Variants in ERC2 observed in about 807,000 individuals in gnomAD.
The protein encoded by ERC2 is ERC protein 2.
A neutral mutation model predicts 114.8 loss-of-function variants in ERC2; 42 were observed. The ratio of observed to expected loss-of-function variants is 0.37; its 90% CI spans 0.29 to 0.47. The LOEUF (loss-of-function observed/expected upper bound fraction) is 0.47, where lower values mean the gene tolerates loss of function less well. ERC2 is among the 20% of genes least tolerant of loss of function. The pLI is 0.99. For missense variants in ERC2, 939 were observed against 1,150.7 expected, an observed-to-expected ratio of 0.82 and a Z score of 2.66; for synonymous variants, 454 against 425.5, an observed-to-expected ratio of 1.07 and a Z score of -0.82.
At chr3:55,835,729 T>G (rs1004529119) in intron 14 of ERC2, among the ~76,000 whole-genome samples, 4 of 152,038 alleles carry the variant, frequency 2.6e-5, no homozygotes, top group Non-Finnish European at 5.9e-5. Context: ...TCCTATTCAG[T>G]ATAGTGTTGG....
chr3:55,553,576 C>T (rs1367330513), intron 17 of ERC2, among the ~76,000 whole-genome samples: 2 of 151,876 alleles, frequency 1.3e-5, no homozygotes, highest in Non-Finnish European at 2.9e-5. Context: ...GTCAGGAGAT[C>T]GAGACCATCC....
At chr3:56,454,784 G>A (rs1193691867) in intron 1 of ERC2, among the ~76,000 whole-genome samples, 1 of 145,140 alleles carries the variant, frequency 6.9e-6, no homozygotes, top group Non-Finnish European at 1.5e-5. Context: ...CCGGGAGGCA[G>A]AGGTTGAGAG....
At chr3:56,024,330 C>T (rs1350922468) in intron 7 of ERC2, among the ~76,000 whole-genome samples, 4 of 152,142 alleles carry the variant, frequency 2.6e-5, no homozygotes, top group Admixed American at 2.6e-4. Context: ...AGCTCTGTCC[C>T]ACTCGTTCTC....
intron 3 of ERC2, among the ~76,000 whole-genome samples, chr3:56,218,875 A>G (rs1054498606): frequency 2.6e-5 from 4 of 152,166 alleles, no homozygotes; most frequent in Admixed American, 2.6e-4. Flanking sequence ...CATTCTCAGC[A>G]AACTATCGCA....
intron 7 of ERC2, among the ~76,000 whole-genome samples, chr3:56,055,993 T>C (rs1203025839): frequency 6.6e-6 from 1 of 152,058 alleles, no homozygotes; most frequent in African/African-American, 2.4e-5. Context: ...AACATAAACA[T>C]GAGAATACAC....
At chr3:56,213,541 T>A (rs1457548240) in intron 3 of ERC2, among the ~76,000 whole-genome samples, 3 of 152,154 alleles carry the variant, frequency 2.0e-5, no homozygotes, top group Non-Finnish European at 4.4e-5. Context: ...GTGGAGCCCA[T>A]CCCAGCTCAA....
intron 3 of ERC2, among the ~76,000 whole-genome samples, chr3:56,198,046 A>G (rs75823507): frequency 0.014 from 2,181 of 152,306 alleles, 57 homozygotes; most frequent in African/African-American, 0.049. Flanking sequence ...CACATGTTGC[A>G]TGCATACAAA....
chr3:56,312,302 G>A (rs891279412), intron 2 of ERC2, among the ~76,000 whole-genome samples: 4 of 152,218 alleles, frequency 2.6e-5, no homozygotes, highest in Non-Finnish European at 2.9e-5. Flanking sequence ...TTATCCGATC[G>A]ATGCCAGAAG....
At chr3:55,859,464 G>A (rs2061933040) in intron 14 of ERC2, among the ~76,000 whole-genome samples, 2 of 152,044 alleles carry the variant, frequency 1.3e-5, no homozygotes, top group South Asian at 4.2e-4. Context: ...AGGGGTGTAG[G>A]ATGACCTTAA....
chr3:56,278,799 G>A (rs1206323159), intron 3 of ERC2, among the ~76,000 whole-genome samples: 1 of 152,022 alleles, frequency 6.6e-6, no homozygotes, highest in Non-Finnish European at 1.5e-5. Context: ...GAAAGGAGGA[G>A]GTGCCAGTTT....
intron 4 of ERC2, among the ~76,000 whole-genome samples, chr3:56,168,459 G>A (rs934170973): frequency 1.3e-5 from 2 of 152,204 alleles, no homozygotes; most frequent in African/African-American, 4.8e-5. Flanking sequence ...CCTTGGAGAA[G>A]ATGAATGAAA....
intron 1 of ERC2, among the ~76,000 whole-genome samples, chr3:56,457,958 A>G (rs149698996): frequency 2.0e-5 from 3 of 152,262 alleles, no homozygotes; most frequent in African/African-American, 7.2e-5. Flanking sequence ...TTGCCTGCTT[A>G]CTTGTTTGGT....
At chr3:56,465,712 T>C (rs2063514124) in intron 1 of ERC2, among the ~76,000 whole-genome samples, 1 of 152,244 alleles carries the variant, frequency 6.6e-6, no homozygotes, top group Admixed American at 6.5e-5. Context: ...AAAATTTTTA[T>C]TTTATTATGT....
chr3:56,050,300 C>T (rs1404389508), intron 7 of ERC2, among the ~76,000 whole-genome samples: 1 of 152,128 alleles, frequency 6.6e-6, no homozygotes, highest in Non-Finnish European at 1.5e-5. Context: ...GAGCCCATGG[C>T]CATGCAGCTA....
intron 12 of ERC2, among the ~76,000 whole-genome samples, chr3:55,976,452 A>G (rs1378899128): frequency 6.6e-6 from 1 of 152,126 alleles, no homozygotes; most frequent in African/African-American, 2.4e-5. Flanking sequence ...AATTACGCAT[A>G]ATTTCTACCT....
At chr3:56,309,658 T>A (rs1453071136) in intron 2 of ERC2, among the ~76,000 whole-genome samples, 1 of 152,198 alleles carries the variant, frequency 6.6e-6, no homozygotes, top group Non-Finnish European at 1.5e-5. Context: ...AGGCTACTCA[T>A]CCGTAAACAG....
chr3:56,182,640 A>G (rs1237124939), intron 3 of ERC2, among the ~76,000 whole-genome samples: 3 of 152,352 alleles, frequency 2.0e-5, no homozygotes, highest in African/African-American at 4.8e-5. Context: ...AACTTACTCA[A>G]GAAAACCTTA....
chr3:56,459,527 CCA>C (rs58270143), intron 1 of ERC2, among the ~76,000 whole-genome samples: 50,084 of 150,356 alleles, frequency 0.33, 8,476 homozygotes, highest in Middle Eastern at 0.42. Flanking sequence ...TGCTATCAGA[CCA>C]CACACACACA....
chr3:56,461,510 C>G (rs950523447), intron 1 of ERC2, among the ~76,000 whole-genome samples: 1 of 152,126 alleles, frequency 6.6e-6, no homozygotes, highest in African/African-American at 2.4e-5. Flanking sequence ...AATATTCTAG[C>G]ATGGAAGTGA....
Sources: allele counts gnomAD v4.1 joint callset (sites outside exome capture counted in the v4.1 genomes callset), GRCh38; gene constraint gnomAD v4.1.1; transcripts MANE v1.5; gene names NCBI Gene and HGNC (gene_info 2026-07-23, HGNC 2026-07-21).